ELP4: variants seen among roughly 807,000 people sequenced by gnomAD.
ELP4 encodes the protein elongator complex protein 4.
In ELP4, 51 loss-of-function variants were observed where a neutral mutation model predicts 48.9. The ratio of observed to expected loss-of-function variants is 1.04; its 90% CI spans 0.83 to 1.32. The LOEUF is 1.32. Ranked by LOEUF, ELP4 falls within the 40% of genes most tolerant of loss-of-function variation. The pLI, the probability that ELP4 is intolerant of heterozygous loss-of-function variation, is 0.00. For synonymous variants in ELP4, 210 were observed against 189.2 expected (o/e 1.11, Z -0.90); for missense variants, 519 against 514.6 (o/e 1.01, Z -0.08).
intron 3 of ELP4, among the ~76,000 whole-genome samples, chr11:31,578,145 C>A (rs1341891952): frequency 6.6e-6 from 1 of 152,102 alleles, no homozygotes; most frequent in African/African-American, 2.4e-5. Flanking sequence ...TTCCTATACA[C>A]CATTAACAGA....
intron 6 of ELP4, chr11:31,628,211 G>A (rs1944786898): frequency 6.6e-6 from 1 of 151,824 alleles, no homozygotes; most frequent in Non-Finnish European, 1.5e-5. Context: ...TAAGATTTAT[G>A]GGTACTGTGT....
At chr11:31,513,800 A>G (rs1956054785) in intron 1 of ELP4, among the ~76,000 whole-genome samples, 2 of 152,214 alleles carry the variant, frequency 1.3e-5, no homozygotes, top group African/African-American at 4.8e-5. Flanking sequence ...TCGTTGTCTT[A>G]TGATTTTGAA....
At chr11:31,756,380 A>ACAAACCATAATCAC (rs1554977243) in intron 9 of ELP4, among the ~76,000 whole-genome samples, 3 of 152,198 alleles carry the variant, frequency 2.0e-5, no homozygotes, top group African/African-American at 7.2e-5. Context: ...TATTTCTGGC[A>ACAAACCATAATCAC]CAAACCATAA....
chr11:31,699,951 A>C (rs1946487430), intron 9 of ELP4, among the ~76,000 whole-genome samples: 2 of 152,122 alleles, frequency 1.3e-5, no homozygotes, highest in Admixed American at 1.3e-4. Context: ...AGACCTGGAG[A>C]GACTGAGAAT....
chr11:31,773,062 C>T lies in ELP4; in HGVS notation c.1144-10331C>T, dbSNP rs1174010979. Among the ~76,000 whole-genome samples the T allele has an allele frequency of 2.6e-5, 4 of 152,230 alleles. No individual in the cohort carries two copies. In the East Asian group the frequency reaches 7.7e-4, roughly 29 times the overall value. On this transcript the variant is annotated intron_variant, in intron 9 of 9. Transcript: ENST00000640961. ...TGGAGAGTATGCCCTTTGGGGGCTCCACAGTTTTCACAACTCAATTATTGA... is the reference window on the plus strand; with the variant it reads ...TGGAGAGTATGCCCTTTGGGGGCTCTACAGTTTTCACAACTCAATTATTGA...
chr11:31,601,748 A>T (rs1481996382), intron 4 of ELP4, among the ~76,000 whole-genome samples: 1 of 152,082 alleles, frequency 6.6e-6, no homozygotes, highest in Non-Finnish European at 1.5e-5. Flanking sequence ...CTCTCTCCCC[A>T]TGGCCAGTCT....
At chr11:31,652,103 C>T (rs988969718) in intron 9 of ELP4, 1 of 151,676 alleles carries the variant, frequency 6.6e-6, no homozygotes, top group African/African-American at 2.4e-5. Flanking sequence ...ATTGGTCAAC[C>T]TGTGGTTTAG....
At chr11:31,627,293 A>T in intron 6 of ELP4, 99 bp downstream of exon 6, 1 of 658,024 alleles carries the variant, frequency 1.5e-6, no homozygotes, top group South Asian at 2.3e-5. Context: ...TAGAATAATA[A>T]ACAGTGAACA....
At chr11:31,524,276 G>T (rs1206337378) in intron 2 of ELP4, among the ~76,000 whole-genome samples, 2 of 152,178 alleles carry the variant, frequency 1.3e-5, no homozygotes, top group Non-Finnish European at 2.9e-5. Flanking sequence ...ATAGGTGTCA[G>T]CCAGGGCTGA....
intron 7 of ELP4, chr11:31,632,962 C>G (rs376130037): frequency 6.6e-6 from 1 of 151,910 alleles, no homozygotes; most frequent in Admixed American, 6.6e-5. Context: ...TTGTCTGCCT[C>G]AAGCATGTGA....
chr11:31,644,641 C>A (rs1339480818), intron 7 of ELP4, among the ~76,000 whole-genome samples: 1 of 151,540 alleles, frequency 6.6e-6, no homozygotes, highest in Non-Finnish European at 1.5e-5. Flanking sequence ...ATTTTATATT[C>A]TTCTAAGTAA....
At chr11:31,536,375 G>T (rs971350895) in intron 2 of ELP4, among the ~76,000 whole-genome samples, 1 of 151,910 alleles carries the variant, frequency 6.6e-6, no homozygotes, top group Non-Finnish European at 1.5e-5. Flanking sequence ...TGTTTGAGAC[G>T]GCGTCTTGCT....
At chr11:31,704,787 G>T (rs936139367) in intron 9 of ELP4, among the ~76,000 whole-genome samples, 15 of 152,162 alleles carry the variant, frequency 9.9e-5, no homozygotes, top group African/African-American at 3.6e-4. Context: ...GAGGTGGGTG[G>T]ATCACCTGAG....
At chr11:31,762,723 A>G (rs1947968021) in intron 9 of ELP4, among the ~76,000 whole-genome samples, 1 of 151,694 alleles carries the variant, frequency 6.6e-6, no homozygotes, top group African/African-American at 2.4e-5. Context: ...AGATTTTTTT[A>G]TATATTAATT....
rs759234423 is a variant in ELP4, at chr11:31,789,848, T to C, written c.*6324T>C. On this transcript the variant is annotated 3_prime_UTR_variant, in exon 10 of 10. Coordinates refer to ENST00000640961, the MANE Select transcript of ELP4 (RefSeq NM_019040.5). ...GGCTCTAACAGCCATTTTTCTTTCT[T>C]TCCTGAAAGCTCAACTGTTGTGTCC... The C allele has an allele frequency of 5.5e-6, 7 of 1,267,080 alleles. No homozygotes were observed. Among genetic ancestry groups the C allele is most frequent in the Non-Finnish European group, 7.9e-6 (7 of 886,818 alleles). 78.5% of individuals were successfully genotyped at this position (1,267,080 alleles called of 1,614,324 possible). A position where few individuals can be genotyped will look rare whatever the true frequency, so the allele number is the denominator to read the frequency against.
chr11:31,730,965 CT>C (rs1947172947), intron 9 of ELP4, among the ~76,000 whole-genome samples: 1 of 151,124 alleles, frequency 6.6e-6, no homozygotes, highest in Admixed American at 6.6e-5. Context: ...AGATTACAAG[CT>C]CCTGAAAAAA....
At chr11:31,763,308 T>C (rs1166724574) in intron 9 of ELP4, 2 of 1,059,878 alleles carry the variant, frequency 1.9e-6, no homozygotes, top group East Asian at 5.4e-5. Flanking sequence ...AGATACACAA[T>C]TGAGAAAGAA....
intron 5 of ELP4, among the ~76,000 whole-genome samples, chr11:31,621,961 A>G (rs866496714): frequency 9.9e-5 from 15 of 151,978 alleles, no homozygotes; most frequent in African/African-American, 3.1e-4. Context: ...CCTTGGGCAA[A>G]TTATTTAGCC....
intron 3 of ELP4, among the ~76,000 whole-genome samples, chr11:31,551,265 T>A (rs1035677532): frequency 6.6e-6 from 1 of 152,166 alleles, no homozygotes; most frequent in African/African-American, 2.4e-5. Flanking sequence ...TCCCTGCAAA[T>A]CGATGCGGAT....
Sources: gnomAD v4.1 joint callset for allele counts (sites outside exome capture counted in the v4.1 genomes callset) on GRCh38, gnomAD v4.1.1 for gene constraint, MANE v1.5 for transcripts, NCBI Gene and HGNC (gene_info 2026-07-23, HGNC 2026-07-21) for gene names.